Variants in EXTL3 observed in about 807,000 individuals in gnomAD.
EXTL3 encodes exostosin like glycosyltransferase 3.
A neutral mutation model predicts 69.3 loss-of-function variants in EXTL3; 27 were observed. The ratio of observed to expected loss-of-function variants is 0.39; its 90% confidence interval spans 0.29 to 0.54. EXTL3 has a LOEUF of 0.54. Ranked by LOEUF, EXTL3 falls within the 20% of genes least tolerant of loss-of-function variation. The probability of loss-of-function intolerance (pLI) is 0.69; values close to 1 mark genes in which losing one functional copy is unlikely to be tolerated. For missense variants in EXTL3, 1,003 were observed against 1,231.8 expected (o/e 0.81, Z 2.78); for synonymous variants, 511 against 499.4 (o/e 1.02, Z -0.31).
At chr8:28,652,973 C>T (rs1806951261) in intron 1 of EXTL3, among the ~76,000 whole-genome samples, 1 of 152,140 alleles carries the variant, frequency 6.6e-6, no homozygotes. Flanking sequence ...TTCAACATCC[C>T]TCATCAGAGT....
intron 1 of EXTL3, among the ~76,000 whole-genome samples, chr8:28,689,742 T>G (rs1800582333): frequency 6.6e-6 from 1 of 152,236 alleles, no homozygotes; most frequent in Non-Finnish European, 1.5e-5. Flanking sequence ...GGGTTAGGGA[T>G]TCTGTCAATA....
chr8:28,679,575 A>G (rs1313681830), intron 1 of EXTL3, among the ~76,000 whole-genome samples: 1 of 152,064 alleles, frequency 6.6e-6, no homozygotes, highest in Non-Finnish European at 1.5e-5. Context: ...CTGTTTCTAC[A>G]AAAAACTAAA....
rs138680672 is a variant in EXTL3 at position 28,643,426 on chromosome 8, C to CTT, written c.-53+20621_-53+20622dup. 1.3e-3 allele frequency among the ~76,000 whole-genome samples: 192 copies of CTT among 144,042 alleles called. 4 individuals are homozygous for CTT. The highest frequency in any genetic ancestry group is 4.8e-3 in the African/African-American group (185 of 38,162). 94.5% of individuals were successfully genotyped at this position (144,042 alleles called of 152,430 possible). On this transcript the variant is annotated intron_variant, in intron 1 of 6. Transcript: ENST00000523149. ...CTGCTTTCTTTTTTTTTCTTTTTTTCTTTTTTGAGACAGAGTCTCGCTCTT... is the reference window on the plus strand; with the variant it reads ...CTGCTTTCTTTTTTTTTCTTTTTTTCTTTTTTTTGAGACAGAGTCTCGCTCTT...
intron 1 of EXTL3, among the ~76,000 whole-genome samples, chr8:28,657,225 G>A (rs1807025863): frequency 6.6e-6 from 1 of 152,196 alleles, no homozygotes; most frequent in Non-Finnish European, 1.5e-5. Context: ...TTATAGACAT[G>A]AGCCACTGTG....
At chr8:28,736,838 C>G (rs181535781) in intron 4 of EXTL3, among the ~76,000 whole-genome samples, 4 of 152,346 alleles carry the variant, frequency 2.6e-5, no homozygotes, top group Admixed American at 2.6e-4. Context: ...AGATCTTGCT[C>G]TGTTGCTCAG....
At chr8:28,671,124 G>T (rs529312689) in intron 1 of EXTL3, among the ~76,000 whole-genome samples, 18 of 151,726 alleles carry the variant, frequency 1.2e-4, no homozygotes, top group Non-Finnish European at 4.4e-5. Flanking sequence ...GGGATTACAG[G>T]TGTGTGCTAC....
chr8:28,660,564 C>T (rs1388570963), intron 1 of EXTL3, among the ~76,000 whole-genome samples: 3 of 152,104 alleles, frequency 2.0e-5, no homozygotes, highest in Admixed American at 6.6e-5. Context: ...CACAATTTAT[C>T]ATCTTAATCA....
intron 6 of EXTL3, among the ~76,000 whole-genome samples, chr8:28,745,680 C>T (rs759598934): frequency 2.8e-4 from 43 of 152,292 alleles, no homozygotes; most frequent in Non-Finnish European, 6.0e-4. Context: ...TTTAAAGTAT[C>T]TGAGTGATTA....
rs1345533603 is a variant in EXTL3 at position 28,737,594 on chromosome 8, C to T, written c.2352C>T (p.Ser784=). The change falls in exon 5 of 7, where the codon TCC becomes TCT. Residue 784 remains serine, a synonymous_variant. Coordinates refer to ENST00000220562, the MANE Select transcript of EXTL3 (RefSeq NM_001440.4). ...RYHAWDIPHQ[S]WLYNSNYSCE... ...ACGCATGGGACATCCCCCATCAGTC[C>T]TGGCTCTACAACTCCAACTACTCCT... 1 of 1,614,016 alleles carries T rather than the reference C, an allele frequency of 6.2e-7. No individual in the cohort carries two copies. The highest frequency in any genetic ancestry group is 2.2e-5 in the East Asian group (1 of 44,896).
intron 1 of EXTL3, among the ~76,000 whole-genome samples, chr8:28,667,038 T>C (rs1198268672): frequency 6.6e-6 from 1 of 152,232 alleles, no homozygotes; most frequent in Non-Finnish European, 1.5e-5. Flanking sequence ...CTGGTCAGTC[T>C]GTTGACCCAG....
intron 1 of EXTL3, among the ~76,000 whole-genome samples, chr8:28,671,375 G>C (rs365333): frequency 7.1e-6 from 1 of 140,356 alleles, no homozygotes; most frequent in African/African-American, 2.7e-5. Context: ...GCAGTGTCAC[G>C]ATCTCTGCTC....
At chr8:28,731,498 G>C in intron 4 of EXTL3, 148 bp downstream of exon 4, 2 of 801,262 alleles carry the variant, frequency 2.5e-6, no homozygotes, top group Non-Finnish European at 4.2e-6. Flanking sequence ...ATGCAGGCTC[G>C]TAGATGGCGT....
intron 1 of EXTL3, among the ~76,000 whole-genome samples, chr8:28,662,332 A>G (rs7813692): frequency 0.16 from 24,815 of 152,130 alleles, 4,215 homozygotes; most frequent in African/African-American, 0.43. Flanking sequence ...CACAAAAAGT[A>G]TAGACCTATA....
chr8:28,626,948 C>T (rs1006289303), intron 1 of EXTL3, among the ~76,000 whole-genome samples: 3 of 151,202 alleles, frequency 2.0e-5, no homozygotes, highest in Non-Finnish European at 4.4e-5. Flanking sequence ...TTTGGGAGGC[C>T]GAGGCAGGCA....
At chr8:28,660,838 C>CTTTTTTTTTTTTTTTTTT (rs58151386) in intron 1 of EXTL3, among the ~76,000 whole-genome samples, 99 of 46,964 alleles carry the variant, frequency 2.1e-3, no homozygotes, top group Non-Finnish European at 2.6e-3. Context: ...CGATTTTTGG[C>CTTTTTTTTTTTTTTTTTT]TTTTTTTTTT....
At chr8:28,653,777 G>T (rs947146143) in intron 1 of EXTL3, among the ~76,000 whole-genome samples, 1 of 152,056 alleles carries the variant, frequency 6.6e-6, no homozygotes, top group African/African-American at 2.4e-5. Flanking sequence ...ACACTTTTTT[G>T]ATTACTGTAG....
At chr8:28,611,932 G>A (rs897485067) in intron 2 of EXTL3, among the ~76,000 whole-genome samples, 1 of 152,158 alleles carries the variant, frequency 6.6e-6, no homozygotes, top group Non-Finnish European at 1.5e-5. Flanking sequence ...CAAGAGGATC[G>A]TCATTTCCTC....
chr8:28,677,333 A>G (rs940794614), intron 1 of EXTL3, among the ~76,000 whole-genome samples: 2 of 151,968 alleles, frequency 1.3e-5, no homozygotes, highest in Admixed American at 1.3e-4. Context: ...GCCGCTATTT[A>G]CTTGTACCTT....
At chr8:28,637,317 A>G (rs978580598) in intron 1 of EXTL3, 2 of 152,194 alleles carry the variant, frequency 1.3e-5, no homozygotes, top group East Asian at 1.9e-4. Flanking sequence ...CAAACACCGC[A>G]TTCCCCTTAA....
Sources: gnomAD v4.1 joint callset for allele counts (sites outside exome capture counted in the v4.1 genomes callset) on GRCh38, gnomAD v4.1.1 for gene constraint, MANE v1.5 for transcripts, NCBI Gene and HGNC (gene_info 2026-07-23, HGNC 2026-07-21) for gene names.